The following CSMD1 variants were observed in gnomAD, a reference collection of about 807,000 sequenced individuals.
CSMD1 encodes the protein CUB and sushi domain-containing protein 1.
In CSMD1, 213 loss-of-function variants were observed where a neutral mutation model predicts 417.5. That is an observed-to-expected ratio of 0.51 (90% CI 0.46 to 0.57). CSMD1 has a LOEUF of 0.57. Ranked by LOEUF, CSMD1 falls within the 20% of genes least tolerant of loss-of-function variation. CSMD1 has a pLI of 0.00. For missense variants in CSMD1, 6,923 were observed against 4,529.7 expected (o/e 1.53, Z -15.17); for synonymous variants, 2,862 against 1,736.8 (o/e 1.65, Z -16.11).
chr8:2,991,718 T>C (rs978101862), intron 54 of CSMD1, among the ~76,000 whole-genome samples: 26 of 152,300 alleles, frequency 1.7e-4, no homozygotes, highest in African/African-American at 6.0e-4. Flanking sequence ...GTGAAAGTAA[T>C]AGATGTTCAG....
chr8:4,529,275 A>C (rs146586204), intron 2 of CSMD1, among the ~76,000 whole-genome samples: 2 of 152,324 alleles, frequency 1.3e-5, no homozygotes, highest in East Asian at 3.9e-4. Context: ...GGTTTTCCAA[A>C]AGGTACATAG....
intron 8 of CSMD1, among the ~76,000 whole-genome samples, chr8:3,608,070 G>T (rs1483898820): frequency 6.6e-6 from 1 of 152,046 alleles, no homozygotes; most frequent in Non-Finnish European, 1.5e-5. Context: ...TACTCAGGAG[G>T]CTGAGGCCGG....
At chr8:4,531,508 T>A (rs1796816343) in intron 2 of CSMD1, among the ~76,000 whole-genome samples, 2 of 152,114 alleles carry the variant, frequency 1.3e-5, no homozygotes, top group African/African-American at 4.8e-5. Context: ...TAACGTCACC[T>A]GCCCTACACA....
intron 3 of CSMD1, among the ~76,000 whole-genome samples, chr8:4,341,942 A>G (rs1211974174): frequency 6.6e-6 from 1 of 152,094 alleles, no homozygotes; most frequent in Non-Finnish European, 1.5e-5. Flanking sequence ...GCTTTGTCCA[A>G]TGGACTGACA....
At chr8:3,895,196 A>T (rs945037835) in intron 5 of CSMD1, among the ~76,000 whole-genome samples, 1 of 152,228 alleles carries the variant, frequency 6.6e-6, no homozygotes, top group Admixed American at 6.5e-5. Context: ...CCTGTTACTA[A>T]GAAAATGGAT....
intron 5 of CSMD1, among the ~76,000 whole-genome samples, chr8:3,772,560 CATATATAT>C (rs555650729): frequency 9.6e-6 from 1 of 104,398 alleles, no homozygotes; most frequent in African/African-American, 3.5e-5. Flanking sequence ...TACATATATA[CATATATAT>C]ACATATATAC....
At chr8:3,781,819 G>T (rs1799204127) in intron 5 of CSMD1, among the ~76,000 whole-genome samples, 1 of 152,088 alleles carries the variant, frequency 6.6e-6, no homozygotes, top group Non-Finnish European at 1.5e-5. Flanking sequence ...GACTTTTTAT[G>T]ATTTTGCTCT....
chr8:3,055,666 G>T (rs1202982503), intron 49 of CSMD1, among the ~76,000 whole-genome samples: 1 of 152,162 alleles, frequency 6.6e-6, no homozygotes, highest in African/African-American at 2.4e-5. Flanking sequence ...CTTACATTTG[G>T]TATATCCAAA....
chr8:4,489,018 C>G (rs968608441), intron 2 of CSMD1, among the ~76,000 whole-genome samples: 12 of 152,302 alleles, frequency 7.9e-5, no homozygotes, highest in Admixed American at 3.3e-4. Flanking sequence ...TCAAGCAATT[C>G]CCCTGTCTCA....
intron 2 of CSMD1, among the ~76,000 whole-genome samples, chr8:4,573,165 C>T (rs934474894): frequency 1.3e-5 from 2 of 152,164 alleles, no homozygotes; most frequent in African/African-American, 4.8e-5. Flanking sequence ...CCCTTGCTGG[C>T]AAGGAGTTGT....
chr8:4,592,002 A>G (rs1397465380), intron 2 of CSMD1, among the ~76,000 whole-genome samples: 1 of 152,178 alleles, frequency 6.6e-6, no homozygotes, highest in South Asian at 2.1e-4. Flanking sequence ...GCTGCAGGTC[A>G]TGCAATGCGG....
At chr8:4,517,191 TTA>T (rs1342461747) in intron 2 of CSMD1, among the ~76,000 whole-genome samples, 5 of 152,196 alleles carry the variant, frequency 3.3e-5, no homozygotes, top group African/African-American at 1.2e-4. Flanking sequence ...AACAAGCAGT[TTA>T]TGAGACATAA....
In CSMD1 at chr8:4,070,315, A is replaced by G. The variant is rs181104426; in HGVS notation, c.416-38216T>C. On this transcript the variant is annotated intron_variant, in intron 3 of 69. Transcript: ENST00000635120. ...TACTTAAAAAGTCTCATGCACTTTA[A>G]AGAAACTCAGAGAAAATGTCTTCTT... Among the ~76,000 whole-genome samples the G allele has an allele frequency of 2.6e-5, 4 of 152,304 alleles. No individual in the cohort carries two copies. In the East Asian group the frequency reaches 5.8e-4, roughly 22 times the overall value.
intron 6 of CSMD1, among the ~76,000 whole-genome samples, chr8:3,739,540 A>G (rs1323482233): frequency 2.6e-5 from 4 of 152,128 alleles, no homozygotes; most frequent in Admixed American, 2.0e-4. Context: ...TTACACGTCA[A>G]TTGAAAAAAA....
intron 1 of CSMD1, among the ~76,000 whole-genome samples, chr8:4,852,110 T>G (rs1801516431): frequency 6.6e-6 from 1 of 152,212 alleles, no homozygotes; most frequent in Admixed American, 6.5e-5. Flanking sequence ...CTTGTGAAAC[T>G]GCTATTTTCT....
At chr8:3,613,913 C>G (rs1481300658) in intron 8 of CSMD1, among the ~76,000 whole-genome samples, 1 of 151,694 alleles carries the variant, frequency 6.6e-6, no homozygotes, top group Non-Finnish European at 1.5e-5. Flanking sequence ...AGTTTCTTAC[C>G]AATACATTTA....
intron 15 of CSMD1, among the ~76,000 whole-genome samples, chr8:3,400,457 G>C (rs1179669615): frequency 6.6e-6 from 1 of 152,014 alleles, no homozygotes; most frequent in South Asian, 2.1e-4. Context: ...TTTTAGCCAT[G>C]TTTTGATGCT....
At chr8:3,783,941 C>A (rs1056327605) in intron 5 of CSMD1, among the ~76,000 whole-genome samples, 1 of 152,140 alleles carries the variant, frequency 6.6e-6, no homozygotes. Context: ...CCCAGCTCTG[C>A]GATTTACCTA....
intron 1 of CSMD1, among the ~76,000 whole-genome samples, chr8:4,670,401 G>A (rs1239477776): frequency 2.0e-5 from 3 of 152,104 alleles, no homozygotes; most frequent in African/African-American, 7.2e-5. Flanking sequence ...GTGAAGTCAT[G>A]GGAAAGAAAA....
Sources: allele counts gnomAD v4.1 joint callset (sites outside exome capture counted in the v4.1 genomes callset), GRCh38; gene constraint gnomAD v4.1.1; transcripts MANE v1.5; gene names NCBI Gene and HGNC (gene_info 2026-07-23, HGNC 2026-07-21).